The following TUFT1 variants were observed in gnomAD, a reference collection of about 807,000 sequenced individuals.
The protein encoded by TUFT1 is tuftelin 1.
Under a neutral mutation model 57.8 loss-of-function variants are expected in TUFT1, and 43 were observed. The ratio of observed to expected loss-of-function variants is 0.74; its 90% CI spans 0.58 to 0.96. The LOEUF (loss-of-function observed/expected upper bound fraction) is 0.96. TUFT1 is among the 40% of genes least tolerant of loss of function. TUFT1 has a pLI of 0.00. For synonymous variants in TUFT1, 166 were observed against 176.7 expected (o/e 0.94, Z 0.48); for missense variants, 459 against 489.0 (o/e 0.94, Z 0.58).
At chr1:151,557,994 A>T in intron 1 of TUFT1, 1 of 460,918 alleles carries the variant, frequency 2.2e-6, no homozygotes. Context: ...AAACTTAAAA[A>T]AAAAAAAAGA....
intron 9 of TUFT1, 88 bp from the exon 10 acceptor site, chr1:151,578,633 G>T: frequency 8.6e-7 from 1 of 1,165,614 alleles, no homozygotes; most frequent in African/African-American, 1.5e-5. Flanking sequence ...CATATTAATG[G>T]GAACCTCCCA....
At chr1:151,565,283 G>T (rs1238589241) in intron 5 of TUFT1, among the ~76,000 whole-genome samples, 1 of 152,240 alleles carries the variant, frequency 6.6e-6, no homozygotes, top group Non-Finnish European at 1.5e-5. Context: ...AAAACTCGAG[G>T]ACAGAAATGT....
intron 6 of TUFT1, among the ~76,000 whole-genome samples, chr1:151,567,893 TATACA>T (rs1370895077): frequency 6.6e-6 from 1 of 152,192 alleles, no homozygotes; most frequent in Non-Finnish European, 1.5e-5. Context: ...TTTTTGTGAT[TATACA>T]ATACAAAACA....
chr1:151,575,859 T>C (rs559250518), intron 9 of TUFT1, among the ~76,000 whole-genome samples: 1 of 152,302 alleles, frequency 6.6e-6, no homozygotes, highest in East Asian at 1.9e-4. Flanking sequence ...AGGCATTTTC[T>C]CTCCTTTAGG....
intron 5 of TUFT1, 51 bp from the exon 6 acceptor site, chr1:151,566,112 G>C: frequency 8.2e-7 from 1 of 1,214,966 alleles, no homozygotes; most frequent in African/African-American, 1.6e-5. Flanking sequence ...ATGTTTCAAA[G>C]TTGGTTGCTT....
chr1:151,551,651 C>A (rs1007016084), intron 1 of TUFT1, among the ~76,000 whole-genome samples: 3 of 152,070 alleles, frequency 2.0e-5, no homozygotes, highest in African/African-American at 7.2e-5. Context: ...ACGTATTGCA[C>A]TGGAAGACCC....
chr1:151,574,265 T>G lies in TUFT1; in HGVS notation c.595-5T>G. The G allele has an allele frequency of 6.2e-7, 1 of 1,612,850 alleles. No homozygotes were observed. Among genetic ancestry groups the G allele is most frequent in the Non-Finnish European group, 8.5e-7 (1 of 1,179,588 alleles). On this transcript the variant is annotated splice_polypyrimidine_tract_variant and splice_region_variant and intron_variant, in intron 7 of 12. Coordinates refer to ENST00000368849, the MANE Select transcript of TUFT1 (RefSeq NM_020127.3). ...CATTTAACATATTCCTGCTCCGTGT[T>G]TTAGGTCACACTCAGCCGGTACCAG... is the stretch of plus-strand genomic sequence containing the variant.
At chr1:151,575,264 A>C (rs1558014905) in intron 9 of TUFT1, among the ~76,000 whole-genome samples, 1 of 152,192 alleles carries the variant, frequency 6.6e-6, no homozygotes, top group Non-Finnish European at 1.5e-5. Context: ...TTTTAGAGCC[A>C]AGGGCAAGCA....
chr1:151,541,473 G>A (rs1323408337), intron 1 of TUFT1, among the ~76,000 whole-genome samples: 2 of 152,154 alleles, frequency 1.3e-5, no homozygotes, highest in Non-Finnish European at 2.9e-5. Context: ...GTGGGTGGGA[G>A]TGAAATGAAA....
Position 151,581,807 on chromosome 1 carries a change from C to T in TUFT1, c.*100C>T, listed in dbSNP as rs986226634. ...CACTGCCTTTGACTTCCTGACTGTCCCCTGGCTGCACCCAGGACTTCGGGC... is the reference window on the plus strand; with the variant it reads ...CACTGCCTTTGACTTCCTGACTGTCTCCTGGCTGCACCCAGGACTTCGGGC... On this transcript the variant is annotated 3_prime_UTR_variant, in exon 13 of 13. Transcript: ENST00000368849. 13 of 1,299,286 alleles carry T rather than the reference C, an allele frequency of 1.0e-5. No homozygotes were observed. Among genetic ancestry groups the T allele is most frequent in the East Asian group, 2.4e-5 (1 of 42,384 alleles). 80.5% of individuals were successfully genotyped at this position (1,299,286 alleles called of 1,614,324 possible).
rs1173178629 is a variant in TUFT1 at position 151,569,692 on chromosome 1, G to C, written c.516G>C (p.Leu172Phe). The change falls in exon 7 of 13, where the codon TTG (leucine) becomes TTC (phenylalanine). Residue 172 changes from leucine to phenylalanine, a missense_variant. Transcript: ENST00000368849. ...GTATAAATGAGGATGTTGAGAGCTT[G>C]AGGAAGACGGTGCAGGACTTGCTGG... ...DTCINEDVESLRKTVQDLLAK... is the reference protein window; with the variant it reads ...DTCINEDVESFRKTVQDLLAK... 2.5e-6 allele frequency: 4 copies of C among 1,613,902 alleles called. No homozygotes were observed. The highest frequency in any genetic ancestry group is 1.3e-5 in the African/African-American group (1 of 74,922).
At chr1:151,568,706 T>A (rs1243948551) in intron 6 of TUFT1, among the ~76,000 whole-genome samples, 2 of 152,224 alleles carry the variant, frequency 1.3e-5, no homozygotes, top group Non-Finnish European at 2.9e-5. Flanking sequence ...ACTTTCTCCT[T>A]CTTTTGAATC....
At chr1:151,574,517 G>A (rs1382170137) in intron 8 of TUFT1, 119 bp downstream of exon 8, 29 of 1,344,176 alleles carry the variant, frequency 2.2e-5, no homozygotes, top group Non-Finnish European at 2.3e-5. Context: ...AGCACACTTC[G>A]CACCTTCCTT....
In TUFT1 at chr1:151,569,729, G is replaced by T; in HGVS notation, c.553G>T (p.Glu185Ter). The change falls in exon 7 of 13, where the codon GAG becomes TAG. Residue 185 changes from glutamate (E) to a stop codon, truncating the protein, a stop_gained. Transcript: ENST00000368849. LOFTEE classifies it high-confidence loss of function. The stretch of plus-strand genomic sequence containing the variant: ...GCAGGACTTGCTGGCCAAGCTTCAG[G>T]AGGCCAAGCGGCAACACCAGTCAGA... ...TVQDLLAKLQ[E>*]AKRQHQSDCV... 6.2e-7 allele frequency: 1 copy of T among 1,614,094 alleles called. No individual in the cohort carries two copies. The highest frequency in any genetic ancestry group is 1.1e-5 in the South Asian group (1 of 91,080).
intron 1 of TUFT1, among the ~76,000 whole-genome samples, chr1:151,546,131 T>G (rs965010147): frequency 1.3e-5 from 2 of 152,072 alleles, no homozygotes; most frequent in Non-Finnish European, 2.9e-5. Context: ...TCTTTTTCTT[T>G]TTTTGGATTT....
In TUFT1 at chr1:151,554,504, A is replaced by G. The variant is rs113982651; in HGVS notation, c.61-7587A>G. On this transcript the variant is annotated intron_variant, in intron 1 of 12. Coordinates refer to ENST00000368849, the MANE Select transcript of TUFT1 (RefSeq NM_020127.3). ...AACCTCTGCCTCCCGGGTTCAGGCAATTCTCCCGTCTCAGCCTCCTGAGTA... is the reference window on the plus strand; with the variant it reads ...AACCTCTGCCTCCCGGGTTCAGGCAGTTCTCCCGTCTCAGCCTCCTGAGTA... Among the ~76,000 whole-genome samples the G allele has an allele frequency of 7.0e-3, 1,064 of 151,954 alleles. 15 individuals are homozygous for G. Among genetic ancestry groups the G allele is most frequent in the African/African-American group, 0.021 (882 of 41,418 alleles).
At chr1:151,577,594 G>T (rs778407046) in intron 9 of TUFT1, among the ~76,000 whole-genome samples, 1 of 152,146 alleles carries the variant, frequency 6.6e-6, no homozygotes, top group Non-Finnish European at 1.5e-5. Context: ...TTGCTTAGAA[G>T]ATGCAAAGGA....
intron 1 of TUFT1, among the ~76,000 whole-genome samples, chr1:151,548,231 C>T (rs947660360): frequency 6.6e-6 from 1 of 152,120 alleles, no homozygotes; most frequent in African/African-American, 2.4e-5. Flanking sequence ...ATGGGACTTC[C>T]TTCATCCTGA....
chr1:151,573,177 T>C (rs1486651430), intron 7 of TUFT1, among the ~76,000 whole-genome samples: 1 of 152,230 alleles, frequency 6.6e-6, no homozygotes, highest in Non-Finnish European at 1.5e-5. Context: ...TGCTCAGGTC[T>C]GTGCCATCAG....
Sources: gnomAD v4.1 joint callset for allele counts (sites outside exome capture counted in the v4.1 genomes callset) on GRCh38, gnomAD v4.1.1 for gene constraint, MANE v1.5 for transcripts, NCBI Gene and HGNC (gene_info 2026-07-23, HGNC 2026-07-21) for gene names.